The following TTC22 variants were observed in gnomAD, a reference collection of about 807,000 sequenced individuals.
The protein encoded by TTC22 is tetratricopeptide repeat domain 22, also known as tetratricopeptide repeat protein 22.
TTC22 carries 42 observed loss-of-function variants against 48.2 expected under a neutral mutation model. The observed-to-expected ratio is 0.87, with a 90% CI of 0.68 to 1.13. TTC22 has a LOEUF of 1.13. Among genes scored for constraint, TTC22 ranks in the 50% most tolerant of loss-of-function variants. TTC22 has a pLI of 0.00. For missense variants in TTC22, 784 were observed against 807.0 expected (o/e 0.97, Z 0.34); for synonymous variants, 345 against 365.5 (o/e 0.94, Z 0.64).
intron 4 of TTC22, chr1:54,786,522 C>A: frequency 4.0e-6 from 1 of 248,904 alleles, no homozygotes; most frequent in Non-Finnish European, 7.6e-6. Context: ...AGGGTTTCTA[C>A]CTGGGTAATA....
rs1247582252 is a variant in TTC22 at position 54,800,782 on chromosome 1, CGGCCAGCCG to C, written c.373_381del (p.Arg125_Ala127del). The stretch of plus-strand genomic sequence containing the variant: ...GGCTCCTCTGCCAGGCCCATGAGGT[CGGCCAGCCG>C]TGCGGCGCACGCCTCCTCCTCTTCT... On this transcript the variant is annotated inframe_deletion, in exon 1 of 7. Transcript: ENST00000371276. The C allele has an allele frequency of 1.5e-5, 23 of 1,560,778 alleles. No individual in the cohort carries two copies. The East Asian group carries it at 5.5e-4, about 37-fold the overall frequency.
chr1:54,781,596 C>T lies in TTC22; in HGVS notation c.1357G>A (p.Ala453Thr), dbSNP rs1381513974. The T allele has an allele frequency of 8.5e-6, 13 of 1,523,858 alleles. No homozygotes were observed. In the South Asian group the frequency reaches 1.5e-4, roughly 17 times the overall value. 94.4% of individuals were successfully genotyped at this position (1,523,858 alleles called of 1,614,324 possible). ...RIKGEDANAAACFKRAVELDD... is the reference protein window; with the variant it reads ...RIKGEDANAATCFKRAVELDD... ...AGCTCCACTGCGCGCTTGAAGCAGG[C>T]GGCCGCGTTGGCGTCCTCGCCCTTG... Residue 453 changes from alanine (A) to threonine (T), a missense_variant, in exon 7 of 7, where the codon GCC becomes ACC. Physicochemically the swap from Ala to Thr is moderately conservative, Grantham distance 58. Transcript: ENST00000371276.
At chr1:54,800,468 G>C in intron 1 of TTC22, 129 bp downstream of exon 1, 2 of 840,810 alleles carry the variant, frequency 2.4e-6, no homozygotes, top group Non-Finnish European at 3.4e-6. Flanking sequence ...ACATTGGAAA[G>C]GCATTTGGGA....
chr1:54,783,789 G>T (rs1270960866), intron 5 of TTC22, among the ~76,000 whole-genome samples: 1 of 152,158 alleles, frequency 6.6e-6, no homozygotes, highest in African/African-American at 2.4e-5. Flanking sequence ...CCAAGAATTT[G>T]AAACCAGCCT....
rs745784799 is a variant in TTC22 at position 54,801,107 on chromosome 1, G to C, written c.57C>G (p.Asp19Glu). ...DDLDALIDDL[D>E]YLPGHFHLEM... Reference sequence around the variant, plus strand: ...CCAGGTGAAAGTGGCCCGGGAGGTAGTCCAGGTCGTCGATGAGGGCGTCTA... The same window carrying C: ...CCAGGTGAAAGTGGCCCGGGAGGTACTCCAGGTCGTCGATGAGGGCGTCTA... Residue 19 changes from aspartate to glutamate, a missense_variant, in exon 1 of 7, where the codon GAC (aspartate) becomes GAG (glutamate). Coordinates refer to ENST00000371276, the MANE Select transcript of TTC22 (RefSeq NM_001114108.2). The C allele has an allele frequency of 1.2e-5, 20 of 1,611,522 alleles. No individual in the cohort carries two copies. The African/African-American group carries it at 2.4e-4, about 19-fold the overall frequency.
chr1:54,782,144 A>G lies in TTC22; in HGVS notation c.1173+181T>C, dbSNP rs79026760. Reference sequence around the variant, plus strand: ...CTTCCTGAGTGCTTAGGAAGAGCCAAGCCTTATTCTAAATACTGTACACAC... The same window carrying G: ...CTTCCTGAGTGCTTAGGAAGAGCCAGGCCTTATTCTAAATACTGTACACAC... On this transcript the variant is annotated intron_variant, in intron 6 of 6. Coordinates refer to ENST00000371276, the MANE Select transcript of TTC22 (RefSeq NM_001114108.2). 6.8e-3 allele frequency among the ~76,000 whole-genome samples: 1,035 copies of G among 152,334 alleles called. 32 individuals are homozygous for G. The East Asian group carries it at 0.073, about 11-fold the overall frequency.
chr1:54,789,938 G>C (rs1646337483), intron 1 of TTC22, among the ~76,000 whole-genome samples: 1 of 152,236 alleles, frequency 6.6e-6, no homozygotes, highest in South Asian at 2.1e-4. Flanking sequence ...GCATGCTGGG[G>C]TCTGCATGCA....
intron 1 of TTC22, among the ~76,000 whole-genome samples, chr1:54,799,731 G>A (rs538103789): frequency 6.6e-6 from 1 of 152,310 alleles, no homozygotes; most frequent in East Asian, 1.9e-4. Flanking sequence ...CCCAGCTTAG[G>A]AGCAGAGGAA....
intron 1 of TTC22, among the ~76,000 whole-genome samples, chr1:54,793,402 ACAGAAGCAGAGGTTGCCTACTTAACCTG>A (rs894790021): frequency 7.2e-5 from 11 of 152,318 alleles, no homozygotes; most frequent in African/African-American, 2.4e-4. Context: ...ACTGAGGCTG[ACAGAAGCAGAGGTTGCCTACTTAACCTG>A]GTACTTCAGG....
rs780063955 is a variant in TTC22 at position 54,800,802 on chromosome 1, GCCT to G, written c.359_361del (p.Glu120del). ...GAGGTCGGCCAGCCGTGCGGCGCAC[GCCT>G]CCTCCTCTTCTTCCTGGCCCAGCCG... On this transcript the variant is annotated inframe_deletion, in exon 1 of 7. Coordinates refer to ENST00000371276, the MANE Select transcript of TTC22 (RefSeq NM_001114108.2). 3.7e-5 allele frequency: 59 copies of G among 1,579,482 alleles called. No homozygotes were observed. Among genetic ancestry groups the G allele is most frequent in the Non-Finnish European group, 5.0e-5 (58 of 1,164,904 alleles).
At chr1:54,796,175 CGT>C (rs907992670) in intron 1 of TTC22, among the ~76,000 whole-genome samples, 16 of 152,340 alleles carry the variant, frequency 1.1e-4, no homozygotes, top group South Asian at 8.3e-4. Context: ...TGTGTGTGCG[CGT>C]GTGTGTGTCT....
intron 5 of TTC22, among the ~76,000 whole-genome samples, chr1:54,783,039 C>T (rs1351946419): frequency 6.7e-6 from 1 of 148,852 alleles, no homozygotes; most frequent in Non-Finnish European, 1.5e-5. Flanking sequence ...CCAAGCATCA[C>T]ATTACAAATG....
In TTC22 at chr1:54,786,471, AG is replaced by A. The variant is rs1646302389; in HGVS notation, c.859-328del. Reference sequence around the variant, plus strand: ...CATCTTCCTAGGGCAGGTGAGAGGAAGGGCCAGAGGCAACCCCCATCCCCCA... The same window carrying A: ...CATCTTCCTAGGGCAGGTGAGAGGAAGGCCAGAGGCAACCCCCATCCCCCA... On this transcript the variant is annotated intron_variant, in intron 4 of 6. Coordinates refer to ENST00000371276, the MANE Select transcript of TTC22 (RefSeq NM_001114108.2). 2.4e-5 allele frequency: 7 copies of A among 289,054 alleles called. No homozygotes were observed. The South Asian group carries it at 3.8e-4, about 16-fold the overall frequency. The allele number at this position is 289,054 out of a possible 1,614,324, so 17.9% of individuals were successfully genotyped here. A position where few individuals can be genotyped will look rare whatever the true frequency, so the allele number is the denominator to read the frequency against.
chr1:54,788,874 G>C (rs886557145), intron 1 of TTC22, among the ~76,000 whole-genome samples: 7 of 152,170 alleles, frequency 4.6e-5, no homozygotes, highest in Non-Finnish European at 8.8e-5. Context: ...ATAAGGTCCT[G>C]TGCTGGGTGC....
At chr1:54,797,358 T>C (rs1323116027) in intron 1 of TTC22, among the ~76,000 whole-genome samples, 1 of 152,234 alleles carries the variant, frequency 6.6e-6, no homozygotes, top group Non-Finnish European at 1.5e-5. Flanking sequence ...TCATATTTTT[T>C]GTAATTTAAG....
At chr1:54,796,356 C>A (rs1357017332) in intron 1 of TTC22, among the ~76,000 whole-genome samples, 2 of 152,258 alleles carry the variant, frequency 1.3e-5, no homozygotes, top group Non-Finnish European at 1.5e-5. Flanking sequence ...CCCTCCCCAG[C>A]CGCCTCAGCT....
intron 1 of TTC22, among the ~76,000 whole-genome samples, chr1:54,793,387 G>T (rs992363225): frequency 6.6e-6 from 1 of 152,136 alleles, no homozygotes; most frequent in African/African-American, 2.4e-5. Context: ...ATTAGGGATG[G>T]GGAAACTGAG....
At chr1:54,798,005 A>G (rs1171350958) in intron 1 of TTC22, among the ~76,000 whole-genome samples, 1 of 152,062 alleles carries the variant, frequency 6.6e-6, no homozygotes, top group Non-Finnish European at 1.5e-5. Context: ...GACACATGGA[A>G]ACCCACCCAC....
At chr1:54,796,686 A>G (rs1185636791) in intron 1 of TTC22, among the ~76,000 whole-genome samples, 1 of 145,642 alleles carries the variant, frequency 6.9e-6, no homozygotes, top group Non-Finnish European at 1.6e-5. Context: ...TTGGCTTGGG[A>G]CAGGGATTTT....
Sources: allele counts gnomAD v4.1 joint callset (sites outside exome capture counted in the v4.1 genomes callset), GRCh38; gene constraint gnomAD v4.1.1; transcripts MANE v1.5; gene names NCBI Gene and HGNC (gene_info 2026-07-23, HGNC 2026-07-21).